The following NPLOC4 variants were observed in gnomAD, a reference collection of about 807,000 sequenced individuals.
NPLOC4 encodes nuclear protein localization protein 4 homolog.
Under a neutral mutation model 80.6 loss-of-function variants are expected in NPLOC4, and 18 were observed. The observed-to-expected ratio is 0.22, with a 90% CI of 0.15 to 0.33. The LOEUF (loss-of-function observed/expected upper bound fraction) is 0.33. Ranked by LOEUF, NPLOC4 falls within the 10% of genes least tolerant of loss-of-function variation. NPLOC4 has a pLI of 1.00. For missense variants in NPLOC4, 540 were observed against 786.1 expected (o/e 0.69, Z 3.74); for synonymous variants, 313 against 301.5 (o/e 1.04, Z -0.39).
chr17:81,613,603 AAACAATGAGGTTTCT>A, intron 3 of NPLOC4, 109 bp from the exon 4 acceptor site: 1 of 934,654 alleles, frequency 1.1e-6, no homozygotes, highest in Non-Finnish European at 1.6e-6. Context: ...CTGTAGGCCT[AAACAATGAGGTTTCT>A]AACTTTTAAG....
At chr17:81,609,224 T>C (rs968220489) in intron 5 of NPLOC4, among the ~76,000 whole-genome samples, 30 of 152,140 alleles carry the variant, frequency 2.0e-4, no homozygotes, top group African/African-American at 7.2e-4. Context: ...TTCAGCATAT[T>C]GGCCAGGCTG....
chr17:81,632,794 G>T (rs981951050), intron 1 of NPLOC4, among the ~76,000 whole-genome samples: 2 of 152,064 alleles, frequency 1.3e-5, no homozygotes, highest in Admixed American at 1.3e-4. Context: ...GGATTTGTCC[G>T]CTTTTAGTAA....
chr17:81,616,674 G>A (rs78128702), intron 3 of NPLOC4, among the ~76,000 whole-genome samples: 10,448 of 151,464 alleles, frequency 0.069, 553 homozygotes, highest in East Asian at 0.22. Flanking sequence ...AGCTTGCAGT[G>A]AGCCAAGATG....
intron 13 of NPLOC4, 110 bp downstream of exon 13, chr17:81,571,898 TCAAGGCAGA>T: frequency 1.6e-6 from 1 of 607,020 alleles, no homozygotes; most frequent in African/African-American, 1.9e-5. Flanking sequence ...TGGGCACTGC[TCAAGGCAGA>T]GGGTGCCTTA....
At chr17:81,632,845 C>A (rs902355774) in intron 1 of NPLOC4, among the ~76,000 whole-genome samples, 1 of 152,120 alleles carries the variant, frequency 6.6e-6, no homozygotes, top group Non-Finnish European at 1.5e-5. Flanking sequence ...AATAGGATAA[C>A]CCTGTCCTGC....
intron 2 of NPLOC4, among the ~76,000 whole-genome samples, chr17:81,624,826 G>C (rs1054170697): frequency 6.6e-6 from 1 of 152,222 alleles, no homozygotes; most frequent in East Asian, 1.9e-4. Flanking sequence ...CAGGGAGTAG[G>C]AGCAAGCACA....
At chr17:81,586,837 C>T (rs2034592836) in intron 12 of NPLOC4, among the ~76,000 whole-genome samples, 1 of 152,226 alleles carries the variant, frequency 6.6e-6, no homozygotes, top group Non-Finnish European at 1.5e-5. Flanking sequence ...AGGGAAGGAT[C>T]AACAATAGAC....
At chr17:81,564,382 G>A (rs1374699827) in intron 16 of NPLOC4, 1 of 153,260 alleles carries the variant, frequency 6.5e-6, no homozygotes, top group Non-Finnish European at 1.5e-5. Flanking sequence ...GATCACTTGA[G>A]CCTGGAGTTT....
At chr17:81,603,326 T>C (rs1403435842) in intron 8 of NPLOC4, among the ~76,000 whole-genome samples, 1 of 152,200 alleles carries the variant, frequency 6.6e-6, no homozygotes, top group Non-Finnish European at 1.5e-5. Context: ...CTGGGCACAG[T>C]GGCTCCTACC....
rs185843152 is a variant in NPLOC4, at chr17:81,631,405, T to C, written c.16-1600A>G. On this transcript the variant is annotated intron_variant, in intron 1 of 16. Transcript: ENST00000331134. ...ATTTAATAACGTGTGTGTGCATATA[T>C]GCATATTAAAGTGTACATATATATA... Among the ~76,000 whole-genome samples the C allele has an allele frequency of 4.7e-3, 660 of 139,804 alleles. 4 individuals carry two copies. The highest frequency in any genetic ancestry group is 6.6e-3 in the Non-Finnish European group (430 of 65,632). 91.7% of individuals were successfully genotyped at this position (139,804 alleles called of 152,430 possible).
chr17:81,562,380 A>C (rs2033877198), intron 16 of NPLOC4: 1 of 152,116 alleles, frequency 6.6e-6, no homozygotes, highest in Non-Finnish European at 1.5e-5. Flanking sequence ...CTCTACTAAA[A>C]CTAAAAAAAT....
chr17:81,621,305 C>T (rs754764072), intron 3 of NPLOC4, among the ~76,000 whole-genome samples: 2 of 152,092 alleles, frequency 1.3e-5, no homozygotes, highest in Non-Finnish European at 2.9e-5. Context: ...CAAATGAATG[C>T]TACAATTGCA....
chr17:81,623,715 G>A (rs1220734381), intron 2 of NPLOC4, among the ~76,000 whole-genome samples: 1 of 149,318 alleles, frequency 6.7e-6, no homozygotes, highest in Non-Finnish European at 1.5e-5. Context: ...GGAGAGTGGC[G>A]TGAACCCGGG....
At chr17:81,585,160 ACT>A (rs1362228786) in intron 12 of NPLOC4, among the ~76,000 whole-genome samples, 1 of 109,906 alleles carries the variant, frequency 9.1e-6, no homozygotes, top group African/African-American at 3.5e-5. Context: ...ACAGAACGAG[ACT>A]CTGTCGCCAA....
At chr17:81,621,666 C>A (rs1461749947) in intron 3 of NPLOC4, among the ~76,000 whole-genome samples, 3 of 152,338 alleles carry the variant, frequency 2.0e-5, no homozygotes, top group East Asian at 3.9e-4. Context: ...GCACCAACAA[C>A]ACGACCTGGC....
chr17:81,570,998 A>C (rs2034147048), intron 13 of NPLOC4, among the ~76,000 whole-genome samples: 1 of 152,134 alleles, frequency 6.6e-6, no homozygotes, highest in Non-Finnish European at 1.5e-5. Context: ...AGCTGGTTTT[A>C]AATCATGCCT....
intron 11 of NPLOC4, among the ~76,000 whole-genome samples, chr17:81,591,757 A>G (rs1167305655): frequency 6.6e-6 from 1 of 152,210 alleles, no homozygotes; most frequent in Non-Finnish European, 1.5e-5. Context: ...CCCTTCACAA[A>G]TCAGTCAGTC....
intron 11 of NPLOC4, among the ~76,000 whole-genome samples, chr17:81,589,456 T>A (rs2034676798): frequency 6.6e-6 from 1 of 150,538 alleles, no homozygotes; most frequent in Non-Finnish European, 1.5e-5. Flanking sequence ...GTGAATGGCG[T>A]GAACCCGGGA....
chr17:81,572,957 G>C lies in NPLOC4; in HGVS notation c.1282-869C>G, dbSNP rs1007012471. On this transcript the variant is annotated intron_variant, in intron 12 of 16. Coordinates refer to ENST00000331134, the MANE Select transcript of NPLOC4 (RefSeq NM_017921.4). The surrounding 1 kb of genome is among the most constrained non-coding windows in gnomAD (Gnocchi z 4.5). ...CACCAATCTGTCAAAGTCTCAACTT[G>C]TTTTGCTTTGTCAGATGCACAGAAC... Among the ~76,000 whole-genome samples, 3 of 152,200 alleles carry C rather than the reference G, an allele frequency of 2.0e-5. No individual in the cohort carries two copies. The highest frequency in any genetic ancestry group is 7.2e-5 in the African/African-American group (3 of 41,440).
Sources: allele counts gnomAD v4.1 joint callset (sites outside exome capture counted in the v4.1 genomes callset), GRCh38; gene constraint gnomAD v4.1.1; non-coding constraint Gnocchi (gnomAD v3.1); transcripts MANE v1.5; gene names NCBI Gene and HGNC (gene_info 2026-07-23, HGNC 2026-07-21).